Variants in SCRIB observed in about 807,000 individuals in gnomAD.
SCRIB encodes the protein protein scribble homolog.
In SCRIB, 72 loss-of-function variants were observed where a neutral mutation model predicts 170.0. The observed-to-expected ratio is 0.42, with a 90% confidence interval of 0.35 to 0.52. The LOEUF (loss-of-function observed/expected upper bound fraction) is 0.52, where lower values mean the gene tolerates loss of function less well. SCRIB is among the 20% of genes least tolerant of loss of function. The pLI is 0.02. For missense variants in SCRIB, 2,475 were observed against 2,338.5 expected (o/e 1.06, Z -1.20); for synonymous variants, 1,298 against 1,044.3 (o/e 1.24, Z -4.68).
In SCRIB at chr8:143,808,882, G is replaced by T. The variant is rs866965869; in HGVS notation, c.1842C>A (p.Phe614Leu). ...CGGGCTGGGGCAGCTTGGAGATCTT[G>T]AAGTGCTTTTTGTAGTGAGGTGTGT... ...RKDTPHYKKH[F>L]KISKLPQPEA... Residue 614 changes from phenylalanine (F) to leucine (L), a missense_variant, in exon 15 of 37, where the codon TTC becomes TTA. Phe to Leu is a conservative substitution (Grantham distance 22). Coordinates refer to ENST00000356994, the MANE Select transcript of SCRIB (RefSeq NM_182706.5). 3 of 1,609,838 alleles carry T rather than the reference G, an allele frequency of 1.9e-6. No homozygotes were observed. Among genetic ancestry groups the T allele is most frequent in the Non-Finnish European group, 2.5e-6 (3 of 1,179,970 alleles).
At position 143,803,862 on chromosome 8, in the gene SCRIB, G is replaced by T. The variant is rs782695374; in HGVS notation, c.3199C>A (p.Arg1067=). 2 of 1,600,656 alleles carry T rather than the reference G, an allele frequency of 1.2e-6. No homozygotes were observed. The highest frequency in any genetic ancestry group is 3.4e-5 in the Admixed American group (2 of 58,296). ...ACTGCTTCTTGGTGCGTGGCATCCC[G>T]CACGTCTTGCCCGTTCACTGCCAGG... The part of the protein sequence containing the change: ...RILAVNGQDV[R]DATHQEAVSA... Residue 1067 remains arginine, a synonymous_variant, in exon 23 of 37, where the codon CGG becomes AGG. Transcript: ENST00000356994.
rs1281828169 is a variant in SCRIB, at chr8:143,803,472, C to T, written c.3514G>A (p.Glu1172Lys). 5.6e-6 allele frequency: 9 copies of T among 1,599,442 alleles called. No individual in the cohort carries two copies. The highest frequency in any genetic ancestry group is 2.2e-5 in the East Asian group (1 of 44,782). The change falls in exon 24 of 37, where the codon GAG (glutamate) becomes AAG (lysine). Residue 1172 changes from glutamate to lysine, a missense_variant. Glu to Lys is a moderately conservative substitution (Grantham distance 56). Coordinates refer to ENST00000356994, the MANE Select transcript of SCRIB (RefSeq NM_182706.5). ...QQSLLGLTHG[E>K]AVQLLRSVGD... The stretch of plus-strand genomic sequence containing the variant: ...ACACTGCGGAGCAGCTGCACCGCCT[C>T]GCCGTGCGTCAGGCCCAGCAGGCTC...
chr8:143,793,562 T>TG (rs1310005004), intron 28 of SCRIB: 9 of 346,854 alleles, frequency 2.6e-5, no homozygotes, highest in South Asian at 7.7e-5. Context: ...GTGCCAACAG[T>TG]GGGGGGGCAA....
chr8:143,812,419 A>C, intron 8 of SCRIB, 35 bp from the exon 9 acceptor site: 5 of 1,490,694 alleles, frequency 3.4e-6, no homozygotes, highest in Non-Finnish European at 4.7e-6. Context: ...AAGGCTGAGC[A>C]TGGTCCCCAG....
At chr8:143,791,810 G>A in intron 34 of SCRIB, 66 bp downstream of exon 34, 1 of 1,479,172 alleles carries the variant, frequency 6.8e-7, no homozygotes, top group Non-Finnish European at 9.3e-7. Context: ...CACGGGGGTG[G>A]GGGCAGGCCA....
At chr8:143,814,674 A>G (rs761539725) in intron 1 of SCRIB, among the ~76,000 whole-genome samples, 1 of 152,162 alleles carries the variant, frequency 6.6e-6, no homozygotes, top group Non-Finnish European at 1.5e-5. Flanking sequence ...CCAGCACCCC[A>G]TCTCCAGAAA....
At chr8:143,797,510 C>A (rs1451880125) in intron 24 of SCRIB, among the ~76,000 whole-genome samples, 1 of 152,232 alleles carries the variant, frequency 6.6e-6, no homozygotes, top group Non-Finnish European at 1.5e-5. Context: ...CTATTATATG[C>A]TCTCAAAGCA....
chr8:143,791,172 C>T lies in SCRIB; in HGVS notation c.4959G>A (p.Val1653=). 7.0e-7 allele frequency: 1 copy of T among 1,429,802 alleles called. No individual in the cohort carries two copies. The highest frequency in any genetic ancestry group is 9.2e-7 in the Non-Finnish European group (1 of 1,090,346). The allele number at this position is 1,429,802 out of a possible 1,614,324, so 88.6% of individuals were successfully genotyped here. A position where few individuals can be genotyped will look rare whatever the true frequency, so the allele number is the denominator to read the frequency against. Residue 1653 remains valine (V), a synonymous_variant, in exon 37 of 37, where the codon GTG becomes GTA. Transcript: ENST00000356994. The stretch of plus-strand genomic sequence containing the variant: ...GGAGGTGCCTGCTCCTCTAGGAGGG[C>T]ACAGGGCCCAGGCCACGGCGCCCAG... ...VRPGRRGLGP[V]PS
rs201439774 is a variant in SCRIB at position 143,809,023 on chromosome 8, G to A, written c.1701C>T (p.Pro567=). 6 of 1,608,962 alleles carry A rather than the reference G, an allele frequency of 3.7e-6. No individual in the cohort carries two copies. The highest frequency in any genetic ancestry group is 2.2e-5 in the East Asian group (1 of 44,822). The change falls in exon 15 of 37, where the codon CCC becomes CCT. Residue 567 remains proline, a splice_region_variant and synonymous_variant. Transcript: ENST00000356994. ...EEDAEEDYQE[P]TVHFAEDALL... ...GTGCGTCCTCTGCGAAATGCACCGT[G>A]GGCTGTGCGGACAAAAGGGTGAGGG...
chr8:143,791,093 G>C lies in SCRIB; in HGVS notation c.*70C>G. ...TAAAATGCTAACACCCAGGTTAAAAGACTTGGGGCAAGGGTGGTGCTGGAG... is the reference window on the plus strand; with the variant it reads ...TAAAATGCTAACACCCAGGTTAAAACACTTGGGGCAAGGGTGGTGCTGGAG... On this transcript the variant is annotated 3_prime_UTR_variant, in exon 37 of 37. Transcript: ENST00000356994. 1 of 1,355,806 alleles carries C rather than the reference G, an allele frequency of 7.4e-7. No homozygotes were observed. Among genetic ancestry groups the C allele is most frequent in the Non-Finnish European group, 9.5e-7 (1 of 1,054,016 alleles). 84.0% of individuals were successfully genotyped at this position (1,355,806 alleles called of 1,614,324 possible). A position where few individuals can be genotyped will look rare whatever the true frequency, so the allele number is the denominator to read the frequency against.
chr8:143,795,095 G>A lies in SCRIB; in HGVS notation c.3789C>T (p.Pro1263=), dbSNP rs1310629343. 6.2e-7 allele frequency: 1 copy of A among 1,611,266 alleles called. No individual in the cohort carries two copies. The highest frequency in any genetic ancestry group is 8.5e-7 in the Non-Finnish European group (1 of 1,179,278). ...CCAGGGCGCGGTAGTCCAGCTTCAG[G>A]GGCTGCAGACCCCGACCCTGGGGGC... ...ATEAAGRGLQ[P]LKLDYRALAA... The change falls in exon 27 of 37, where the codon CCC becomes CCT. Residue 1263 remains proline, a synonymous_variant. Coordinates refer to ENST00000356994, the MANE Select transcript of SCRIB (RefSeq NM_182706.5).
Position 143,805,442 on chromosome 8 carries a change from G to A in SCRIB, c.2347-7C>T, listed in dbSNP as rs1815381814. On this transcript the variant is annotated splice_region_variant and splice_polypyrimidine_tract_variant and intron_variant, in intron 18 of 36. Coordinates refer to ENST00000356994, the MANE Select transcript of SCRIB (RefSeq NM_182706.5). ...GCAGAGCCACACCATTCACCTGCGG[G>A]CCAGGGACCACGTGCGTATTCAGGA... 1 of 1,481,240 alleles carries A rather than the reference G, an allele frequency of 6.8e-7. No homozygotes were observed. The highest frequency in any genetic ancestry group is 8.9e-7 in the Non-Finnish European group (1 of 1,117,934). The allele number at this position is 1,481,240 out of a possible 1,614,324, so 91.8% of individuals were successfully genotyped here.
intron 34 of SCRIB, 41 bp from the exon 35 acceptor site, chr8:143,791,781 G>T: frequency 1.7e-6 from 2 of 1,184,022 alleles, no homozygotes; most frequent in Non-Finnish European, 2.4e-6. Flanking sequence ...AGAGTGAGAG[G>T]AAAGGGGGGG....
intron 13 of SCRIB, 49 bp from the exon 14 acceptor site, chr8:143,809,767 G>C (rs961779744): frequency 2.5e-6 from 4 of 1,583,012 alleles, no homozygotes; most frequent in African/African-American, 2.7e-5. Flanking sequence ...CGACTCACAG[G>C]CTGGCCACCT....
In SCRIB at chr8:143,810,910, G is replaced by T; in HGVS notation, c.1269C>A (p.Ser423Arg). Reference sequence around the variant, plus strand: ...CACCGGTTGCCAACAACCTACCGAGGCTGGGTGGGGGCTGCTGGGGCAGCA... The same window carrying T: ...CACCGGTTGCCAACAACCTACCGAGTCTGGGTGGGGGCTGCTGGGGCAGCA... ...CYLLPQQPPP[S>R]LEDAGQQGSL... is the part of the protein sequence containing the mutation. The change falls in exon 11 of 37, where the codon AGC becomes AGA. Residue 423 changes from serine to arginine, a missense_variant. Ser to Arg is a moderately radical substitution (Grantham distance 110). Transcript: ENST00000356994. 1 of 1,611,488 alleles carries T rather than the reference G, an allele frequency of 6.2e-7. No individual in the cohort carries two copies.
rs1554632703 is a variant in SCRIB at position 143,791,738 on chromosome 8, G to C, written c.4698C>G (p.Pro1566=). Residue 1566 remains proline, a splice_region_variant and synonymous_variant, in exon 35 of 37, where the codon CCC becomes CCG. Coordinates refer to ENST00000356994, the MANE Select transcript of SCRIB (RefSeq NM_182706.5). ...PQTSTSPGRL[P]LSGKKFDYRA... ...TGTAGTCAAACTTCTTTCCAGACAA[G>C]GGCTTGAAAGGACAGCGTGAGGGGA... 6.3e-7 allele frequency: 1 copy of C among 1,598,164 alleles called. No homozygotes were observed. Among genetic ancestry groups the C allele is most frequent in the South Asian group, 1.1e-5 (1 of 90,790 alleles).
chr8:143,807,670 A>G, intron 15 of SCRIB, 56 bp from the exon 16 acceptor site: 12 of 1,308,642 alleles, frequency 9.2e-6, no homozygotes, highest in South Asian at 2.4e-5. Context: ...GACCACCACC[A>G]CCGCCTCACC....
At chr8:143,796,420 A>AAC (rs1274015218) in intron 24 of SCRIB, among the ~76,000 whole-genome samples, 1 of 152,194 alleles carries the variant, frequency 6.6e-6, no homozygotes, top group Admixed American at 6.5e-5. Flanking sequence ...GTTGGTTAAA[A>AAC]ACACAGCTGA....
rs782309602 is a variant in SCRIB, at chr8:143,803,914, GC to G, written c.3146del (p.Arg1049ProfsTer13). On this transcript the variant is annotated frameshift_variant, in exon 23 of 37. Coordinates refer to ENST00000356994, the MANE Select transcript of SCRIB (RefSeq NM_182706.5). LOFTEE classifies it high-confidence loss of function. ...SKVLPRGLAA[R>X]SGLRVGDRIL... ...TGCGGTCCCCAACCCGCAGGCCGCT[GC>G]GAGCGGCCAGGCCCCGCGGGAGCAC... 1 of 1,589,720 alleles carries G rather than the reference GC, an allele frequency of 6.3e-7. No individual in the cohort carries two copies. Among genetic ancestry groups the G allele is most frequent in the African/African-American group, 1.3e-5 (1 of 74,616 alleles).
Sources: allele counts gnomAD v4.1 joint callset (sites outside exome capture counted in the v4.1 genomes callset), GRCh38; gene constraint gnomAD v4.1.1; transcripts MANE v1.5; gene names NCBI Gene and HGNC (gene_info 2026-07-23, HGNC 2026-07-21).